Variants in GNPTAB observed in about 807,000 individuals in gnomAD.
GNPTAB encodes the protein N-acetylglucosamine-1-phosphotransferase subunits alpha/beta.
GNPTAB carries 92 observed loss-of-function variants against 136.6 expected under a neutral mutation model. The observed-to-expected ratio is 0.67, with a 90% CI of 0.57 to 0.80. The LOEUF (loss-of-function observed/expected upper bound fraction) is 0.80. GNPTAB is among the 30% of genes least tolerant of loss of function. The probability of loss-of-function intolerance (pLI) is 0.00; values close to 1 mark genes in which losing one functional copy is unlikely to be tolerated. For missense variants in GNPTAB, 1,343 were observed against 1,501.8 expected (o/e 0.89, Z 1.75); for synonymous variants, 512 against 535.1 (o/e 0.96, Z 0.60).
chr12:101,788,646 G>T, intron 3 of GNPTAB, 57 bp from the exon 4 acceptor site: 2 of 884,886 alleles, frequency 2.3e-6, no homozygotes, highest in Non-Finnish European at 3.9e-6. Flanking sequence ...ACCTCCCACT[G>T]TAACCAAGAC....
intron 1 of GNPTAB, among the ~76,000 whole-genome samples, chr12:101,825,418 C>A (rs1871040281): frequency 6.6e-6 from 1 of 152,146 alleles, no homozygotes; most frequent in Admixed American, 6.6e-5. Flanking sequence ...AACGCTACAT[C>A]AGAGCAAAAA....
In GNPTAB at chr12:101,764,340, G is replaced by T. The variant is rs1250226891; in HGVS notation, c.2577C>A (p.Asn859Lys). 1 of 1,614,088 alleles carries T rather than the reference G, an allele frequency of 6.2e-7. No homozygotes were observed. The highest frequency in any genetic ancestry group is 1.1e-5 in the South Asian group (1 of 91,066). The change falls in exon 13 of 21, where the codon AAC becomes AAA. Residue 859 changes from asparagine (N) to lysine (K), a missense_variant. Asn to Lys is a moderately conservative substitution (Grantham distance 94, BLOSUM62 0). Transcript: ENST00000299314. ...TTTCAGCATTTTCCTCCATTCTACT[G>T]TTCTCTTTTTCTTTCCCTGTGATTT... Reference protein sequence around the residue: ...EKKITGKEKENSRMEENAENH... With the variant: ...EKKITGKEKEKSRMEENAENH...
intron 4 of GNPTAB, 146 bp from the exon 5 acceptor site, chr12:101,786,363 G>A: frequency 2.9e-6 from 2 of 696,266 alleles, no homozygotes; most frequent in African/African-American, 1.8e-5. Context: ...TTTATCTCAT[G>A]GATACAAAAA....
chr12:101,785,867 A>G (rs561573473), intron 5 of GNPTAB, 145 bp downstream of exon 5: 1 of 668,840 alleles, frequency 1.5e-6, no homozygotes, highest in Non-Finnish European at 2.6e-6. Flanking sequence ...CCAAAATACA[A>G]TAGCAGCTGT....
intron 5 of GNPTAB, among the ~76,000 whole-genome samples, chr12:101,781,315 G>A (rs898656921): frequency 4.6e-5 from 7 of 152,120 alleles, no homozygotes; most frequent in African/African-American, 1.7e-4. Context: ...AAAGAAGGCA[G>A]GTTCTCCAAA....
chr12:101,812,089 T>TA (rs71094522), intron 1 of GNPTAB, among the ~76,000 whole-genome samples: 3 of 150,602 alleles, frequency 2.0e-5, no homozygotes, highest in African/African-American at 4.9e-5. Flanking sequence ...CCATCTCTAC[T>TA]AAAAAAAATG....
Position 101,753,441 on chromosome 12 carries a change from A to G in GNPTAB, c.3533T>C (p.Ile1178Thr). ...LRDFYESMFP[I>T]PSQFELPREY... ...TCTTGGCAGTTCAAATTGGGAAGGT[A>G]TGGGGAACATGGATTCATAGAAGTC... Residue 1178 changes from isoleucine (I) to threonine (T), a missense_variant, in exon 19 of 21, where the codon ATA (isoleucine) becomes ACA (threonine). Physicochemically the swap from Ile to Thr is moderately conservative, Grantham distance 89. Transcript: ENST00000299314. 6.2e-7 allele frequency: 1 copy of G among 1,613,642 alleles called. No homozygotes were observed. The highest frequency in any genetic ancestry group is 8.5e-7 in the Non-Finnish European group (1 of 1,179,568).
intron 1 of GNPTAB, among the ~76,000 whole-genome samples, chr12:101,805,235 C>A (rs1869869120): frequency 6.6e-6 from 1 of 152,164 alleles, no homozygotes; most frequent in African/African-American, 2.4e-5. Context: ...AAGTTTTGCA[C>A]AATATCTGTT....
chr12:101,781,918 G>A (rs1365032107), intron 5 of GNPTAB, among the ~76,000 whole-genome samples: 1 of 152,162 alleles, frequency 6.6e-6, no homozygotes, highest in African/African-American at 2.4e-5. Context: ...TCATCTTCAT[G>A]GATATAACAA....
chr12:101,802,847 G>A (rs1488896331), intron 1 of GNPTAB, among the ~76,000 whole-genome samples: 1 of 152,114 alleles, frequency 6.6e-6, no homozygotes, highest in African/African-American at 2.4e-5. Flanking sequence ...AAATCAGCTT[G>A]CCAGCACCCT....
At chr12:101,817,935 A>G (rs1368677003) in intron 1 of GNPTAB, among the ~76,000 whole-genome samples, 3 of 152,212 alleles carry the variant, frequency 2.0e-5, no homozygotes, top group African/African-American at 7.2e-5. Flanking sequence ...TTCTAAGCAC[A>G]GATTTTATTT....
At chr12:101,794,830 G>C (rs1369831117) in intron 2 of GNPTAB, among the ~76,000 whole-genome samples, 2 of 152,034 alleles carry the variant, frequency 1.3e-5, no homozygotes, top group African/African-American at 4.8e-5. Context: ...ACTTTGGGAG[G>C]TCAAGATGGG....
At chr12:101,770,910 C>T in intron 8 of GNPTAB, 86 bp downstream of exon 8, 1 of 1,234,528 alleles carries the variant, frequency 8.1e-7, no homozygotes, top group East Asian at 2.3e-5. Flanking sequence ...CTGTAAGTCC[C>T]CTTCCCTCTT....
At chr12:101,811,602 A>T (rs1020901555) in intron 1 of GNPTAB, among the ~76,000 whole-genome samples, 1 of 151,788 alleles carries the variant, frequency 6.6e-6, no homozygotes, top group South Asian at 2.1e-4. Context: ...GTGGCCGGAG[A>T]AGGAGGAAGA....
chr12:101,765,256 T>C lies in GNPTAB; in HGVS notation c.1661A>G (p.His554Arg), dbSNP rs139066897. 4.5e-5 allele frequency: 72 copies of C among 1,613,700 alleles called. No homozygotes were observed. Among genetic ancestry groups the C allele is most frequent in the Non-Finnish European group, 5.9e-5 (70 of 1,179,744 alleles). The change falls in exon 13 of 21, where the codon CAC (histidine) becomes CGC (arginine). Residue 554 changes from histidine (H) to arginine (R), a missense_variant. His to Arg is a conservative substitution (Grantham distance 29, BLOSUM62 0). Coordinates refer to ENST00000299314, the MANE Select transcript of GNPTAB (RefSeq NM_024312.5). ...GCATTCACCTTTTGGAATAATATAG[T>C]GAGTCTGGTTTGGGAGAAGGATCAC... Reference protein sequence around the residue: ...YKVILLPNQTHYIIPKGECLP... With the variant: ...YKVILLPNQTRYIIPKGECLP...
chr12:101,806,613 A>G (rs907313827), intron 1 of GNPTAB, among the ~76,000 whole-genome samples: 1 of 152,194 alleles, frequency 6.6e-6, no homozygotes, highest in Non-Finnish European at 1.5e-5. Context: ...AATCACTACA[A>G]TACCTTCCCC....
chr12:101,803,481 A>G (rs1869757266), intron 1 of GNPTAB, among the ~76,000 whole-genome samples: 1 of 152,232 alleles, frequency 6.6e-6, no homozygotes. Flanking sequence ...TAGGAGTTCA[A>G]TGGTTATTAA....
intron 19 of GNPTAB, among the ~76,000 whole-genome samples, chr12:101,752,667 A>G (rs2137101087): frequency 6.6e-6 from 1 of 152,142 alleles, no homozygotes; most frequent in South Asian, 2.1e-4. Context: ...CCTTCTCACC[A>G]CTTCTGAGAT....
At chr12:101,765,855 C>T in intron 12 of GNPTAB, 1 of 491,468 alleles carries the variant, frequency 2.0e-6, no homozygotes, top group Non-Finnish European at 3.7e-6. Context: ...TAAGGTAAAT[C>T]TGCTTGGTCC....
Sources: allele counts gnomAD v4.1 joint callset (sites outside exome capture counted in the v4.1 genomes callset), GRCh38; gene constraint gnomAD v4.1.1; transcripts MANE v1.5; gene names NCBI Gene and HGNC (gene_info 2026-07-23, HGNC 2026-07-21).